The following CDC27 variants were observed in gnomAD, a reference collection of about 807,000 sequenced individuals.
CDC27 encodes the protein cell division cycle 27, also known as cell division cycle protein 27 homolog.
In CDC27, 27 loss-of-function variants were observed where a neutral mutation model predicts 109.7. The ratio of observed to expected loss-of-function variants is 0.25; its 90% CI spans 0.18 to 0.34. The LOEUF is 0.34. Among genes scored for constraint, CDC27 ranks in the 10% least tolerant of loss-of-function variants. CDC27 has a pLI of 1.00. For synonymous variants in CDC27, 266 were observed against 333.9 expected, an observed-to-expected ratio of 0.80 and a Z score of 2.22; for missense variants, 579 against 960.2, an observed-to-expected ratio of 0.60 and a Z score of 5.25.
intron 14 of CDC27, among the ~76,000 whole-genome samples, chr17:47,135,844 T>C (rs1357696791): frequency 2.0e-5 from 3 of 152,072 alleles, no homozygotes; most frequent in East Asian, 1.9e-4. Context: ...ACAAGTCTTA[T>C]TAAGAACTGA....
intron 4 of CDC27, chr17:47,161,217 T>A (rs1199622302): frequency 6.8e-6 from 1 of 146,624 alleles, no homozygotes; most frequent in Non-Finnish European, 1.5e-5. Context: ...AAGTTAGCGG[T>A]GTTTTGCTAT....
At chr17:47,131,221 AT>A (rs1379144762) in intron 15 of CDC27, among the ~76,000 whole-genome samples, 1 of 152,218 alleles carries the variant, frequency 6.6e-6, no homozygotes, top group Non-Finnish European at 1.5e-5. Context: ...AAGAGATTTA[AT>A]TTTGAATTGA....
chr17:47,129,638 A>C (rs377545958), intron 15 of CDC27, 117 bp from the exon 16 acceptor site: 3 of 607,010 alleles, frequency 4.9e-6, no homozygotes, highest in Middle Eastern at 3.0e-4. Flanking sequence ...TGTAGGGTCT[A>C]ACTGGATTGT....
At position 47,143,977 on chromosome 17, in the gene CDC27, G is replaced by T; in HGVS notation, c.1076C>A (p.Thr359Lys). 7.1e-7 allele frequency: 1 copy of T among 1,409,796 alleles called. No individual in the cohort carries two copies. Among genetic ancestry groups the T allele is most frequent in the Non-Finnish European group, 9.4e-7 (1 of 1,066,278 alleles). The allele number at this position is 1,409,796 out of a possible 1,614,324, so 87.3% of individuals were successfully genotyped here. A position where few individuals can be genotyped will look rare whatever the true frequency, so the allele number is the denominator to read the frequency against. The change falls in exon 10 of 19, where the codon ACA (threonine) becomes AAA (lysine). Residue 359 changes from threonine to lysine, a missense_variant. By Grantham distance (78) the Thr-to-Lys change is moderately conservative. Coordinates refer to ENST00000066544, the MANE Select transcript of CDC27 (RefSeq NM_001256.6). The stretch of plus-strand genomic sequence containing the variant: ...AATAGTGGGGCTCAATACCTGAGGT[G>T]TTGTACTAAAAAAAAATTATAAAGG... ...TQSSGPQTST[T>K]PQVLSPTITS...
intron 2 of CDC27, among the ~76,000 whole-genome samples, chr17:47,180,608 C>CA (rs754437495): frequency 0.015 from 1,438 of 96,482 alleles, 12 homozygotes; most frequent in Middle Eastern, 0.058. Context: ...GGAAATGACT[C>CA]AAAAAAAAAA....
In CDC27 at chr17:47,143,950, G is replaced by T. The variant is rs2062875086; in HGVS notation, c.1103C>A (p.Thr368Lys). 1.4e-6 allele frequency: 2 copies of T among 1,479,638 alleles called. No homozygotes were observed. Among genetic ancestry groups the T allele is most frequent in the African/African-American group, 1.4e-5 (1 of 70,912 alleles). 91.7% of individuals were successfully genotyped at this position (1,479,638 alleles called of 1,614,324 possible). The change falls in exon 10 of 19, where the codon ACA becomes AAA. Residue 368 changes from threonine (T) to lysine (K), a missense_variant. By Grantham distance (78) the Thr-to-Lys change is moderately conservative. Transcript: ENST00000066544. ...TCGAGGCAGTGCGTTTGGGGGAGAT[G>T]TAATAGTGGGGCTCAATACCTGAGG... Reference protein sequence around the residue: ...TTPQVLSPTITSPPNALPRRS... With the variant: ...TTPQVLSPTIKSPPNALPRRS...
intron 16 of CDC27, among the ~76,000 whole-genome samples, chr17:47,128,335 A>G (rs2062212777): frequency 6.6e-6 from 1 of 152,062 alleles, no homozygotes. Flanking sequence ...CCAGCCCTGA[A>G]TTTATTTTAA....
intron 10 of CDC27, among the ~76,000 whole-genome samples, chr17:47,142,914 G>A (rs576524627): frequency 2.0e-5 from 3 of 152,290 alleles, no homozygotes; most frequent in Admixed American, 6.5e-5. Context: ...GACCTTAGGT[G>A]ATCTGCCTGC....
chr17:47,166,836 C>T (rs1289117582), intron 4 of CDC27, among the ~76,000 whole-genome samples: 1 of 152,074 alleles, frequency 6.6e-6, no homozygotes, highest in Non-Finnish European at 1.5e-5. Context: ...GAGACTTCCT[C>T]TTCAACCCAT....
chr17:47,130,657 C>A (rs1035704895), intron 15 of CDC27, among the ~76,000 whole-genome samples: 1 of 151,836 alleles, frequency 6.6e-6, no homozygotes, highest in African/African-American at 2.4e-5. Flanking sequence ...GGTGGATCAC[C>A]TGAGGTCAAG....
chr17:47,168,136 T>G (rs2063704122), intron 4 of CDC27, among the ~76,000 whole-genome samples: 1 of 152,176 alleles, frequency 6.6e-6, no homozygotes, highest in Non-Finnish European at 1.5e-5. Context: ...GAGGCTTCAC[T>G]ACATAGGCAT....
At chr17:47,137,494 T>C in intron 13 of CDC27, 134 bp from the exon 14 acceptor site, 1 of 507,852 alleles carries the variant, frequency 2.0e-6, no homozygotes, top group South Asian at 3.5e-5. Context: ...TACTCAATTC[T>C]AATTATTCAC....
chr17:47,135,891 C>T (rs2062569858), intron 14 of CDC27, among the ~76,000 whole-genome samples: 1 of 152,034 alleles, frequency 6.6e-6, no homozygotes, highest in African/African-American at 2.4e-5. Flanking sequence ...GCCTGTAATC[C>T]CAGCACTGGG....
chr17:47,155,174 G>A (rs542939469), intron 7 of CDC27, among the ~76,000 whole-genome samples: 137 of 152,196 alleles, frequency 9.0e-4, no homozygotes, highest in Non-Finnish European at 1.5e-3. Context: ...CTCCAGAGTT[G>A]TAATCTCATG....
chr17:47,150,053 T>C (rs1266784643), intron 9 of CDC27, among the ~76,000 whole-genome samples: 4 of 152,172 alleles, frequency 2.6e-5, no homozygotes, highest in African/African-American at 4.8e-5. Context: ...GTTTATAACA[T>C]ATATAGAAAT....
At chr17:47,160,389 G>T (rs2063463984) in intron 4 of CDC27, among the ~76,000 whole-genome samples, 1 of 152,070 alleles carries the variant, frequency 6.6e-6, no homozygotes, top group South Asian at 2.1e-4. Flanking sequence ...CACCATGCCA[G>T]CTAATTTTTA....
chr17:47,134,083 G>GAGA (rs2062488102), intron 14 of CDC27, among the ~76,000 whole-genome samples: 1 of 151,880 alleles, frequency 6.6e-6, no homozygotes, highest in African/African-American at 2.4e-5. Flanking sequence ...ATTTTTTGTG[G>GAGA]AGACGAGGTC....
intron 9 of CDC27, among the ~76,000 whole-genome samples, chr17:47,147,602 G>A (rs544629949): frequency 1.3e-5 from 2 of 152,226 alleles, no homozygotes; most frequent in South Asian, 4.1e-4. Flanking sequence ...ACTGGATGAG[G>A]TGGCTCATGC....
At chr17:47,160,480 C>A (rs1158775173) in intron 4 of CDC27, among the ~76,000 whole-genome samples, 1 of 152,190 alleles carries the variant, frequency 6.6e-6, no homozygotes, top group East Asian at 1.9e-4. Context: ...CCCGCTTCAG[C>A]CTCCCAAAGT....
Sources: allele counts gnomAD v4.1 joint callset (sites outside exome capture counted in the v4.1 genomes callset), GRCh38; gene constraint gnomAD v4.1.1; transcripts MANE v1.5; gene names NCBI Gene and HGNC (gene_info 2026-07-23, HGNC 2026-07-21).